The following FBXO7 variants were observed in gnomAD, a reference collection of about 807,000 sequenced individuals.
FBXO7 encodes the protein F-box protein 7, also known as F-box only protein 7.
In FBXO7, 31 loss-of-function variants were observed where a neutral mutation model predicts 50.2. The observed-to-expected ratio is 0.62, with a 90% CI of 0.46 to 0.83. The LOEUF is 0.83. FBXO7 is among the 40% of genes least tolerant of loss of function. The pLI is 0.00. For missense variants in FBXO7, 667 were observed against 646.6 expected (o/e 1.03, Z -0.34); for synonymous variants, 256 against 253.1 (o/e 1.01, Z -0.11).
chr22:32,498,165 CAAAGA>C lies in FBXO7; in HGVS notation c.1211_1215del (p.Lys404IlefsTer27). On this transcript the variant is annotated frameshift_variant, in exon 9 of 9. Coordinates refer to ENST00000266087, the MANE Select transcript of FBXO7 (RefSeq NM_012179.4). LOFTEE classifies it low-confidence loss of function (END_TRUNC). Reference sequence around the variant, plus strand: ...ACAGCTGTACAGGAAGAGGCACATACAAAGAAAAGAATCCCCGAAAGGGCGGTTTG... The same window carrying C: ...ACAGCTGTACAGGAAGAGGCACATACAAAGAATCCCCGAAAGGGCGGTTTG... The C allele has an allele frequency of 6.2e-7, 1 of 1,614,154 alleles. No homozygotes were observed. The highest frequency in any genetic ancestry group is 8.5e-7 in the Non-Finnish European group (1 of 1,180,018).
At chr22:32,478,844 A>T in intron 1 of FBXO7, 137 bp from the exon 2 acceptor site, 1 of 869,500 alleles carries the variant, frequency 1.2e-6, no homozygotes, top group South Asian at 1.5e-5. Flanking sequence ...ACCAGCCTGG[A>T]CAACATAGTG....
chr22:32,483,614 T>G (rs1310907618), intron 2 of FBXO7, among the ~76,000 whole-genome samples: 1 of 152,170 alleles, frequency 6.6e-6, no homozygotes, highest in Non-Finnish European at 1.5e-5. Context: ...CAGGGAACTT[T>G]GAAGACTGAT....
chr22:32,482,890 A>T (rs1255646402), intron 2 of FBXO7, among the ~76,000 whole-genome samples: 1 of 152,224 alleles, frequency 6.6e-6, no homozygotes, highest in Admixed American at 6.5e-5. Flanking sequence ...GAAAATTGCA[A>T]TACAGTGCAG....
intron 8 of FBXO7, among the ~76,000 whole-genome samples, chr22:32,497,435 CA>C (rs2057582405): frequency 6.6e-6 from 1 of 152,160 alleles, no homozygotes; most frequent in Non-Finnish European, 1.5e-5. Context: ...TAATGGCCTC[CA>C]GCTGCATCCA....
In FBXO7 at chr22:32,491,181, G is replaced by C; in HGVS notation, c.967G>C (p.Ala323Pro). Residue 323 changes from alanine to proline, a missense_variant and splice_region_variant, in exon 6 of 9, where the codon GCA (alanine) becomes CCA (proline). Ala to Pro is a conservative substitution (Grantham distance 27). Coordinates refer to ENST00000266087, the MANE Select transcript of FBXO7 (RefSeq NM_012179.4). ...VYPLLAFTRQALNLPDVFGLV... is the reference protein window; with the variant it reads ...VYPLLAFTRQPLNLPDVFGLV... Reference sequence around the variant, plus strand: ...TCCTCTTCTGGCTTTTACCCGACAAGGTAAGAGATGAAATACTGTCACAAT... The same window carrying C: ...TCCTCTTCTGGCTTTTACCCGACAACGTAAGAGATGAAATACTGTCACAAT... The C allele has an allele frequency of 6.3e-7, 1 of 1,578,766 alleles. No individual in the cohort carries two copies. The highest frequency in any genetic ancestry group is 8.7e-7 in the Non-Finnish European group (1 of 1,148,290).
In FBXO7 at chr22:32,479,004, C is replaced by T; in HGVS notation, c.146C>T (p.Thr49Ile). 4 of 1,614,216 alleles carry T rather than the reference C, an allele frequency of 2.5e-6. No individual in the cohort carries two copies. The highest frequency in any genetic ancestry group is 3.4e-6 in the Non-Finnish European group (4 of 1,180,022). Reference sequence around the variant, plus strand: ...AGTTCTAATACCCGATTTACAATTACATTGAACTACAAGGATCCCCTCACT... The same window carrying T: ...AGTTCTAATACCCGATTTACAATTATATTGAACTACAAGGATCCCCTCACT... The part of the protein sequence containing the change: ...GYSSNTRFTI[T>I]LNYKDPLTGD... Residue 49 changes from threonine (T) to isoleucine (I), a missense_variant, in exon 2 of 9, where the codon ACA (threonine) becomes ATA (isoleucine). Coordinates refer to ENST00000266087, the MANE Select transcript of FBXO7 (RefSeq NM_012179.4).
chr22:32,475,401 G>A (rs771126372), intron 1 of FBXO7: 2 of 1,611,442 alleles, frequency 1.2e-6, no homozygotes, highest in South Asian at 2.2e-5. Context: ...CCTCCTCGGT[G>A]AGTCATGGCT....
chr22:32,475,295 C>T (rs2057419503), intron 1 of FBXO7, 171 bp downstream of exon 1: 3 of 1,597,296 alleles, frequency 1.9e-6, no homozygotes, highest in South Asian at 1.1e-5. Context: ...TTCCGGGCGT[C>T]GCGGAGCCGG....
Position 32,491,146 on chromosome 22 carries a change from A to G in FBXO7, c.932A>G (p.Gln311Arg), listed in dbSNP as rs781461329. The G allele has an allele frequency of 5.6e-6, 9 of 1,613,196 alleles. No individual in the cohort carries two copies. The highest frequency in any genetic ancestry group is 7.6e-6 in the Non-Finnish European group (9 of 1,179,214). The change falls in exon 6 of 9, where the codon CAG becomes CGG. Residue 311 changes from glutamine (Q) to arginine (R), a missense_variant. Transcript: ENST00000266087. ...AAACTCTCTCGCCTCTTTAAAGACC[A>G]GCTGGTGTATCCTCTTCTGGCTTTT... is the stretch of plus-strand genomic sequence containing the variant. ...LQKLSRLFKDQLVYPLLAFTR... is the reference protein window; with the variant it reads ...LQKLSRLFKDRLVYPLLAFTR...
intron 1 of FBXO7, 101 bp from the exon 2 acceptor site, chr22:32,478,880 T>C (rs1334341488): frequency 8.7e-7 from 1 of 1,144,998 alleles, no homozygotes; most frequent in East Asian, 2.3e-5. Flanking sequence ...ATCACTTAGT[T>C]CTTCTAGGGT....
intron 7 of FBXO7, among the ~76,000 whole-genome samples, chr22:32,494,606 A>G (rs911237370): frequency 6.8e-6 from 1 of 147,932 alleles, no homozygotes; most frequent in Non-Finnish European, 1.5e-5. Flanking sequence ...AATATAGTAA[A>G]AAAAGAAAAG....
At position 32,474,920 on chromosome 22, in the gene FBXO7, G is replaced by A. The variant is rs1412316756; in HGVS notation, c.-83G>A. 1 of 1,382,186 alleles carries A rather than the reference G, an allele frequency of 7.2e-7. No homozygotes were observed. The highest frequency in any genetic ancestry group is 9.6e-7 in the Non-Finnish European group (1 of 1,043,148). 85.6% of individuals were successfully genotyped at this position (1,382,186 alleles called of 1,614,324 possible). A position where few individuals can be genotyped will look rare whatever the true frequency, so the allele number is the denominator to read the frequency against. ...TAGTCGCCAGTCCGGGGTCGTCGCCGTTTGGGGCGGGAGCTGCTCGGCCCC... is the reference window on the plus strand; with the variant it reads ...TAGTCGCCAGTCCGGGGTCGTCGCCATTTGGGGCGGGAGCTGCTCGGCCCC... On this transcript the variant is annotated 5_prime_UTR_variant, in exon 1 of 9. Coordinates refer to ENST00000266087, the MANE Select transcript of FBXO7 (RefSeq NM_012179.4).
intron 1 of FBXO7, chr22:32,475,507 G>A (rs752191575): frequency 7.0e-7 from 1 of 1,421,236 alleles, no homozygotes; most frequent in South Asian, 1.2e-5. Flanking sequence ...CTTGGCTTGG[G>A]TTAAACCTTT....
chr22:32,498,323 T>C lies in FBXO7; in HGVS notation c.1362T>C (p.Leu454=), dbSNP rs1330055408. 8.1e-6 allele frequency: 13 copies of C among 1,613,876 alleles called. No homozygotes were observed. The highest frequency in any genetic ancestry group is 1.1e-5 in the Non-Finnish European group (13 of 1,179,932). Residue 454 remains leucine, a synonymous_variant, in exon 9 of 9, where the codon CTT becomes CTC. Transcript: ENST00000266087. ...GTGAATATGACCAAAGACCAACACTTCCCTATGTTGGAGACCCAATCAGTT... is the reference window on the plus strand; with the variant it reads ...GTGAATATGACCAAAGACCAACACTCCCCTATGTTGGAGACCCAATCAGTT... ...IGGEYDQRPT[L]PYVGDPISSL...
rs772961324 is a variant in FBXO7, at chr22:32,498,141, C to A, written c.1183-3C>A. ...TGTTCTTTTATTTTTCTTTTTTCTA[C>A]AGCTGTACAGGAAGAGGCACATACA... is the stretch of plus-strand genomic sequence containing the variant. On this transcript the variant is annotated splice_region_variant and splice_polypyrimidine_tract_variant and intron_variant, in intron 8 of 8. Transcript: ENST00000266087. 3.8e-5 allele frequency: 61 copies of A among 1,613,838 alleles called. No individual in the cohort carries two copies. Among genetic ancestry groups the A allele is most frequent in the Admixed American group, 5.0e-5 (3 of 59,992 alleles).
chr22:32,486,235 G>T (rs981306743), intron 4 of FBXO7, among the ~76,000 whole-genome samples: 30 of 149,024 alleles, frequency 2.0e-4, no homozygotes, highest in African/African-American at 5.6e-4. Context: ...AAAAATGTTG[G>T]TTTTTTTTTT....
At position 32,498,564 on chromosome 22, in the gene FBXO7, G is replaced by A; in HGVS notation, c.*34G>A. ...TAATTTCATTTCTGGAGCTCCATTT[G>A]TTTTTGTTTCTAAACTACAGATGTC... On this transcript the variant is annotated 3_prime_UTR_variant, in exon 9 of 9. Coordinates refer to ENST00000266087, the MANE Select transcript of FBXO7 (RefSeq NM_012179.4). 6.3e-7 allele frequency: 1 copy of A among 1,598,952 alleles called. No homozygotes were observed. The highest frequency in any genetic ancestry group is 1.1e-5 in the South Asian group (1 of 90,152).
chr22:32,480,313 T>C (rs2057456505), intron 2 of FBXO7, among the ~76,000 whole-genome samples: 1 of 152,208 alleles, frequency 6.6e-6, no homozygotes, highest in Admixed American at 6.5e-5. Context: ...CTGTACCTAG[T>C]GCTCAAGGCT....
At chr22:32,493,056 G>A in intron 6 of FBXO7, 49 bp from the exon 7 acceptor site, 1 of 1,571,940 alleles carries the variant, frequency 6.4e-7, no homozygotes, top group South Asian at 1.1e-5. Flanking sequence ...GAGAAAGCCA[G>A]ATGTTCTTTA....
Sources: allele counts gnomAD v4.1 joint callset (sites outside exome capture counted in the v4.1 genomes callset), GRCh38; gene constraint gnomAD v4.1.1; transcripts MANE v1.5; gene names NCBI Gene and HGNC (gene_info 2026-07-23, HGNC 2026-07-21).